Variants in RNF123 observed in about 807,000 individuals in gnomAD.
The protein encoded by RNF123 is ring finger protein 123.
Under a neutral mutation model 168.5 loss-of-function variants are expected in RNF123, and 86 were observed. That is an observed-to-expected ratio of 0.51 (90% CI 0.43 to 0.61). RNF123 has a LOEUF of 0.61. Ranked by LOEUF, RNF123 falls within the 20% of genes least tolerant of loss-of-function variation. RNF123 has a pLI of 0.00. For missense variants in RNF123, 1,419 were observed against 1,729.7 expected, an observed-to-expected ratio of 0.82 and a Z score of 3.19; for synonymous variants, 666 against 689.1, an observed-to-expected ratio of 0.97 and a Z score of 0.52.
Position 49,702,825 on chromosome 3 carries a change from G to A in RNF123, c.1750+72G>A, listed in dbSNP as rs1018059338. 12 of 1,602,756 alleles carry A rather than the reference G, an allele frequency of 7.5e-6. No individual in the cohort carries two copies. In the African/African-American group the frequency reaches 1.5e-4, roughly 20 times the overall value. ...GCGTAGGGCAGCCCCTAATGTTAGT[G>A]CAGAGTGCTGAGCTGAGGCTGTGGG... On this transcript the variant is annotated intron_variant, in intron 20 of 38. Coordinates refer to ENST00000327697, the MANE Select transcript of RNF123 (RefSeq NM_022064.5).
chr3:49,702,710 G>C lies in RNF123; in HGVS notation c.1707G>C (p.Trp569Cys), dbSNP rs2054430253. 1.9e-6 allele frequency: 3 copies of C among 1,614,212 alleles called. No homozygotes were observed. In the East Asian group the frequency reaches 6.7e-5, roughly 36 times the overall value. Reference protein sequence around the residue: ...HRLISALRYYWDEYKASNPHA... With the variant: ...HRLISALRYYCDEYKASNPHA... The stretch of plus-strand genomic sequence containing the variant: ...TGATCTCTGCCCTGCGCTACTATTG[G>C]GATGAATACAAGGCTTCCAATCCTC... The change falls in exon 20 of 39, where the codon TGG (tryptophan) becomes TGC (cysteine). Residue 569 changes from tryptophan to cysteine, a missense_variant. Trp to Cys is a radical substitution (Grantham distance 215). Around this residue, in one of 5 missense-constraint regions of RNF123, gnomAD observed 349 missense variants for 344.9 expected, o/e 1.01. Transcript: ENST00000327697.
rs1211726592 is a variant in RNF123 at position 49,712,653 on chromosome 3, C to T, written c.2671C>T (p.Pro891Ser). The change falls in exon 27 of 39, where the codon CCA becomes TCA. Residue 891 changes from proline to serine, a missense_variant. Around this residue, in one of 5 missense-constraint regions of RNF123, gnomAD observed 538 missense variants for 708.8 expected, o/e 0.76. Coordinates refer to ENST00000327697, the MANE Select transcript of RNF123 (RefSeq NM_022064.5). ...FGPVHSMEEL[P>S]GYEETLTRLA... ...TCCCGTGCACAGCATGGAGGAGCTC[C>T]CAGGTGATGGAACCATTCAGGCTGA... The T allele has an allele frequency of 6.2e-7, 1 of 1,613,998 alleles. No individual in the cohort carries two copies. Among genetic ancestry groups the T allele is most frequent in the Non-Finnish European group, 8.5e-7 (1 of 1,180,034 alleles).
intron 21 of RNF123, 146 bp from the exon 22 acceptor site, chr3:49,704,504 G>A (rs906060876): frequency 2.2e-5 from 14 of 624,300 alleles, no homozygotes; most frequent in East Asian, 1.2e-4. Flanking sequence ...TGGAGGAGGC[G>A]GAGGGGCGAG....
chr3:49,694,016 T>C (rs573906922), intron 3 of RNF123, among the ~76,000 whole-genome samples: 6 of 152,256 alleles, frequency 3.9e-5, no homozygotes, highest in Non-Finnish European at 8.8e-5. Flanking sequence ...CCTTGTCAGA[T>C]GGGTAGTTTA....
intron 31 of RNF123, 132 bp downstream of exon 31, chr3:49,714,306 G>A (rs561420484): frequency 2.4e-4 from 187 of 779,364 alleles, no homozygotes; most frequent in African/African-American, 2.4e-3. Flanking sequence ...GACTCCCTAC[G>A]TGTCCCCTGG....
intron 15 of RNF123, 116 bp from the exon 16 acceptor site, chr3:49,701,375 C>T: frequency 1.3e-6 from 1 of 798,402 alleles, no homozygotes. Context: ...CAACATGCCC[C>T]TGTGGTGGTG....
intron 1 of RNF123, among the ~76,000 whole-genome samples, chr3:49,690,564 C>T (rs1287242672): frequency 6.6e-6 from 1 of 152,150 alleles, no homozygotes; most frequent in African/African-American, 2.4e-5. Context: ...TGGGAGGCCA[C>T]ATGTGTGAGT....
intron 26 of RNF123, among the ~76,000 whole-genome samples, chr3:49,709,068 C>T (rs2080090994): frequency 1.3e-5 from 2 of 151,178 alleles, no homozygotes; most frequent in Non-Finnish European, 2.9e-5. Context: ...TGTTCTCCTG[C>T]CTCAGCCTCC....
intron 3 of RNF123, among the ~76,000 whole-genome samples, chr3:49,693,736 A>C (rs1472182602): frequency 6.6e-6 from 1 of 152,184 alleles, no homozygotes; most frequent in Non-Finnish European, 1.5e-5. Flanking sequence ...CACTAACAGC[A>C]TACAGGGGTT....
chr3:49,690,110 G>T (rs2054102990), intron 1 of RNF123, among the ~76,000 whole-genome samples: 1 of 152,214 alleles, frequency 6.6e-6, no homozygotes, highest in African/African-American at 2.4e-5. Context: ...ACCCACAAGG[G>T]TTTGTGGCGG....
At chr3:49,721,145 G>C (rs2080396589) in intron 38 of RNF123, 40 bp downstream of exon 38, 1 of 1,614,114 alleles carries the variant, frequency 6.2e-7, no homozygotes, top group Non-Finnish European at 8.5e-7. Flanking sequence ...GAGAGCAGTA[G>C]GTACATGCAG....
chr3:49,720,769 C>T (rs2080387040), intron 36 of RNF123, 31 bp from the exon 37 acceptor site: 3 of 1,613,466 alleles, frequency 1.9e-6, no homozygotes, highest in South Asian at 1.1e-5. Context: ...CCTCAGCTAC[C>T]TCTGACTTGA....
intron 26 of RNF123, among the ~76,000 whole-genome samples, chr3:49,708,877 G>A (rs534900486): frequency 6.6e-6 from 1 of 152,300 alleles, no homozygotes; most frequent in East Asian, 1.9e-4. Context: ...AGATCTCTTT[G>A]AGACCCTAAT....
intron 26 of RNF123, among the ~76,000 whole-genome samples, chr3:49,707,484 A>G (rs2054541861): frequency 6.6e-6 from 1 of 151,810 alleles, no homozygotes; most frequent in Non-Finnish European, 1.5e-5. Context: ...TGGATGGGGC[A>G]CTCCTGCTGT....
chr3:49,695,714 T>C (rs927574023), intron 3 of RNF123, among the ~76,000 whole-genome samples: 7 of 152,140 alleles, frequency 4.6e-5, no homozygotes, highest in African/African-American at 1.7e-4. Context: ...GGGTAAGAAC[T>C]GGCATTAAAG....
chr3:49,712,387 C>A, intron 26 of RNF123, 92 bp from the exon 27 acceptor site: 1 of 1,260,370 alleles, frequency 7.9e-7, no homozygotes, highest in Non-Finnish European at 1.1e-6. Flanking sequence ...CTGTCGTAGG[C>A]CTGGGGAGGC....
rs2054428689 is a variant in RNF123, at chr3:49,702,666, G to T, written c.1663G>T (p.Val555Phe). 1 of 1,614,218 alleles carries T rather than the reference G, an allele frequency of 6.2e-7. No homozygotes were observed. Among genetic ancestry groups the T allele is most frequent in the South Asian group, 1.1e-5 (1 of 91,086 alleles). ...MPMLCPPEYM[V>F]CFLHRLISAL... Reference sequence around the variant, plus strand: ...CATGCTCTGCCCCCCTGAGTACATGGTCTGCTTCTTACACCGGCTGATCTC... The same window carrying T: ...CATGCTCTGCCCCCCTGAGTACATGTTCTGCTTCTTACACCGGCTGATCTC... Residue 555 changes from valine (V) to phenylalanine (F), a missense_variant, in exon 20 of 39, where the codon GTC (valine) becomes TTC (phenylalanine). Transcript: ENST00000327697.
intron 36 of RNF123, 33 bp downstream of exon 36, chr3:49,720,686 CTG>C: frequency 6.3e-7 from 1 of 1,595,874 alleles, no homozygotes; most frequent in Non-Finnish European, 8.6e-7. Context: ...TCAGGGAAAT[CTG>C]GGGCTGGGTC....
intron 13 of RNF123, 21 bp from the exon 14 acceptor site, chr3:49,700,450 GC>G: frequency 6.2e-7 from 1 of 1,612,958 alleles, no homozygotes; most frequent in Non-Finnish European, 8.5e-7. Flanking sequence ...AGTCATGGCT[GC>G]CTTGGCATCT....
Sources: allele counts gnomAD v4.1 joint callset (sites outside exome capture counted in the v4.1 genomes callset), GRCh38; gene constraint gnomAD v4.1.1; regional missense constraint gnomAD v4.1.1; transcripts MANE v1.5; gene names NCBI Gene and HGNC (gene_info 2026-07-23, HGNC 2026-07-21).